Variants in RIN2 observed in about 807,000 individuals in gnomAD.
RIN2 encodes the protein Ras and Rab interactor 2, also known as RAB5 interacting protein 2.
In RIN2, 36 loss-of-function variants were observed where a neutral mutation model predicts 78.0. The ratio of observed to expected loss-of-function variants is 0.46; its 90% CI spans 0.35 to 0.61. The LOEUF (loss-of-function observed/expected upper bound fraction) is 0.61, where lower values mean the gene tolerates loss of function less well. RIN2 is among the 20% of genes least tolerant of loss of function. The pLI is 0.00. For missense variants in RIN2, 1,087 were observed against 1,159.7 expected, an observed-to-expected ratio of 0.94 and a Z score of 0.91; for synonymous variants, 466 against 466.8, an observed-to-expected ratio of 1.00 and a Z score of 0.02.
At chr20:19,921,283 C>G (rs1600807258) in intron 3 of RIN2, among the ~76,000 whole-genome samples, 1 of 152,288 alleles carries the variant, frequency 6.6e-6, no homozygotes, top group East Asian at 1.9e-4. Flanking sequence ...TGTGCAAGCA[C>G]ATTGGTGTTT....
chr20:19,842,122 A>G (rs1411653233), intron 2 of RIN2, among the ~76,000 whole-genome samples: 1 of 152,232 alleles, frequency 6.6e-6, no homozygotes, highest in Non-Finnish European at 1.5e-5. Context: ...AGAGCCCTTC[A>G]TAATTAGGCT....
intron 7 of RIN2, among the ~76,000 whole-genome samples, chr20:19,970,030 C>T (rs1419248594): frequency 6.6e-6 from 1 of 152,226 alleles, no homozygotes; most frequent in African/African-American, 2.4e-5. Flanking sequence ...TGGGCTCTCT[C>T]CTGTTGGGTC....
rs143595946 is a variant in RIN2, at chr20:19,870,290, C to T, written c.-36-19276C>T. On this transcript the variant is annotated intron_variant, in intron 2 of 12. Coordinates refer to ENST00000255006, the MANE Select transcript of RIN2 (RefSeq NM_018993.4). ...GTATAGCATGTTTCTTTCTCTAGTCCAGGAACTAGTCCAGATCATGTCTTT... is the reference window on the plus strand; with the variant it reads ...GTATAGCATGTTTCTTTCTCTAGTCTAGGAACTAGTCCAGATCATGTCTTT... Among the ~76,000 whole-genome samples, 398 of 152,240 alleles carry T rather than the reference C, an allele frequency of 2.6e-3. 1 individual carries two copies. The highest frequency in any genetic ancestry group is 9.2e-3 in the African/African-American group (380 of 41,526).
intron 1 of RIN2, 99 bp downstream of exon 1, chr20:19,758,426 G>A (rs2033470640): frequency 6.6e-6 from 1 of 152,348 alleles, no homozygotes; most frequent in African/African-American, 2.4e-5. Context: ...GGTTCCAGAC[G>A]TGGGTGCTGC....
At chr20:19,894,303 C>T (rs1051443396) in intron 3 of RIN2, among the ~76,000 whole-genome samples, 1 of 152,174 alleles carries the variant, frequency 6.6e-6, no homozygotes, top group Non-Finnish European at 1.5e-5. Flanking sequence ...CTTTGATCCC[C>T]GCTTTCCCTG....
chr20:19,869,510 G>A (rs970188817), intron 2 of RIN2, among the ~76,000 whole-genome samples: 23 of 152,240 alleles, frequency 1.5e-4, no homozygotes, highest in Non-Finnish European at 3.4e-4. Context: ...GTTGAATTGT[G>A]GAGCTGCTGG....
intron 2 of RIN2, among the ~76,000 whole-genome samples, chr20:19,854,411 G>C (rs1305835036): frequency 6.6e-6 from 1 of 152,192 alleles, no homozygotes; most frequent in Non-Finnish European, 1.5e-5. Context: ...TCCCAATTCT[G>C]TGAAGAAAGT....
intron 4 of RIN2, among the ~76,000 whole-genome samples, chr20:19,945,668 T>C (rs1027977696): frequency 2.0e-5 from 3 of 152,214 alleles, no homozygotes; most frequent in Non-Finnish European, 4.4e-5. Flanking sequence ...GACTTTTCTT[T>C]TTATCTTTCT....
At chr20:19,863,918 T>C (rs904122398) in intron 2 of RIN2, among the ~76,000 whole-genome samples, 1 of 151,722 alleles carries the variant, frequency 6.6e-6, no homozygotes, top group Non-Finnish European at 1.5e-5. Flanking sequence ...ATTGCCAGGC[T>C]GTGAGAGCAC....
At chr20:19,922,983 C>G (rs575940566) in intron 3 of RIN2, among the ~76,000 whole-genome samples, 1 of 152,220 alleles carries the variant, frequency 6.6e-6, no homozygotes, top group African/African-American at 2.4e-5. Context: ...CAACCTTGGA[C>G]GCAGCCTTCA....
At chr20:19,851,066 A>AAGGAAGGC (rs1568815226) in intron 2 of RIN2, among the ~76,000 whole-genome samples, 21 of 149,496 alleles carry the variant, frequency 1.4e-4, no homozygotes, top group African/African-American at 4.7e-4. Context: ...GAAAGGAAGG[A>AAGGAAGGC]AGGAAGGAAG....
intron 1 of RIN2, among the ~76,000 whole-genome samples, chr20:19,761,999 GCTCAGTGAATTTTCTGTTCT>G (rs1320153285): frequency 6.6e-6 from 1 of 152,186 alleles, no homozygotes; most frequent in Non-Finnish European, 1.5e-5. Context: ...AAGTACACCT[GCTCAGTGAATTTTCTGTTCT>G]CTCATTCCTC....
At chr20:19,862,416 A>G (rs1313948176) in intron 2 of RIN2, among the ~76,000 whole-genome samples, 1 of 151,782 alleles carries the variant, frequency 6.6e-6, no homozygotes, top group African/African-American at 2.4e-5. Context: ...ACATGGTGAA[A>G]CCCTATCTCT....
chr20:19,776,753 A>C (rs1003588514), intron 1 of RIN2, among the ~76,000 whole-genome samples: 1 of 151,872 alleles, frequency 6.6e-6, no homozygotes, highest in Non-Finnish European at 1.5e-5. Flanking sequence ...AAAGAAAGAA[A>C]GAAAAAATCT....
chr20:19,795,378 T>G (rs1383892065), intron 1 of RIN2, among the ~76,000 whole-genome samples: 20 of 152,230 alleles, frequency 1.3e-4, no homozygotes, highest in African/African-American at 4.3e-4. Context: ...TGGCTGTTTA[T>G]TGTAGTTTTC....
At chr20:19,967,820 G>C (rs1201260681) in intron 7 of RIN2, among the ~76,000 whole-genome samples, 2 of 151,450 alleles carry the variant, frequency 1.3e-5, no homozygotes, top group Non-Finnish European at 2.9e-5. Context: ...CCGGAATAGA[G>C]GAATAGAGGA....
chr20:19,819,416 A>G (rs904615520), intron 2 of RIN2, among the ~76,000 whole-genome samples: 3 of 152,230 alleles, frequency 2.0e-5, no homozygotes, highest in Admixed American at 6.5e-5. Flanking sequence ...CCACCTCTAA[A>G]TAACTTCACA....
At chr20:19,953,791 T>C (rs2041421805) in intron 4 of RIN2, among the ~76,000 whole-genome samples, 2 of 152,220 alleles carry the variant, frequency 1.3e-5, no homozygotes, top group South Asian at 4.1e-4. Context: ...CTGGCTCTTT[T>C]ACCTTCTATG....
intron 5 of RIN2, 83 bp downstream of exon 5, chr20:19,956,890 GA>G: frequency 1.6e-6 from 2 of 1,239,214 alleles, no homozygotes; most frequent in Non-Finnish European, 2.2e-6. Context: ...GTTAGTTCCA[GA>G]AATTTCTTCC....
Sources: gnomAD v4.1 joint callset for allele counts (sites outside exome capture counted in the v4.1 genomes callset) on GRCh38, gnomAD v4.1.1 for gene constraint, MANE v1.5 for transcripts, NCBI Gene and HGNC (gene_info 2026-07-23, HGNC 2026-07-21) for gene names.